KAT14: variants seen among roughly 807,000 people sequenced by gnomAD.
The protein encoded by KAT14 is lysine acetyltransferase 14, also known as cysteine-rich protein 2-binding protein.
KAT14 carries 66 observed loss-of-function variants against 78.4 expected under a neutral mutation model. The ratio of observed to expected loss-of-function variants is 0.84; its 90% CI spans 0.69 to 1.03. KAT14 has a LOEUF of 1.03. KAT14 is among the 50% of genes least tolerant of loss of function. The pLI is 0.00. For missense variants in KAT14, 870 were observed against 972.5 expected (o/e 0.89, Z 1.40); for synonymous variants, 344 against 359.4 (o/e 0.96, Z 0.48).
At chr20:18,184,170 A>ATG (rs962624474) in intron 9 of KAT14, among the ~76,000 whole-genome samples, 2 of 152,212 alleles carry the variant, frequency 1.3e-5, no homozygotes, top group African/African-American at 4.8e-5. Context: ...TATAAATTAT[A>ATG]TGTGTGGGGG....
At chr20:18,148,783 T>C (rs1427576311) in intron 3 of KAT14, among the ~76,000 whole-genome samples, 1 of 151,724 alleles carries the variant, frequency 6.6e-6, no homozygotes. Flanking sequence ...CTAATTTTTG[T>C]ATTTTTAGTA....
At chr20:18,157,421 C>A (rs957274696) in intron 4 of KAT14, among the ~76,000 whole-genome samples, 1 of 152,152 alleles carries the variant, frequency 6.6e-6, no homozygotes, top group Non-Finnish European at 1.5e-5. Context: ...TGAGGTCTCA[C>A]TATGTTGCCC....
At chr20:18,185,407 G>T (rs534088212) in intron 10 of KAT14, among the ~76,000 whole-genome samples, 1 of 152,040 alleles carries the variant, frequency 6.6e-6, no homozygotes, top group Non-Finnish European at 1.5e-5. Context: ...TCACTGTGTT[G>T]CCTGGTCTGT....
At chr20:18,181,295 T>C (rs2146526556) in intron 7 of KAT14, among the ~76,000 whole-genome samples, 1 of 152,168 alleles carries the variant, frequency 6.6e-6, no homozygotes, top group East Asian at 1.9e-4. Flanking sequence ...AAAGACCTAC[T>C]TTATGACACA....
At chr20:18,138,504 G>A in intron 1 of KAT14, 1 of 974,428 alleles carries the variant, frequency 1.0e-6, no homozygotes, top group Non-Finnish European at 1.2e-6. Flanking sequence ...CCTGGCCCAA[G>A]GTTGGGGTTA....
chr20:18,138,085 C>T, intron 1 of KAT14, 34 bp downstream of exon 1: 1 of 1,436,218 alleles, frequency 7.0e-7, no homozygotes, highest in South Asian at 1.4e-5. Flanking sequence ...TCCGGGCCCG[C>T]GCGCGCGGCG....
At chr20:18,145,399 A>G in intron 3 of KAT14, 48 bp downstream of exon 3, 2 of 1,602,068 alleles carry the variant, frequency 1.2e-6, no homozygotes, top group Non-Finnish European at 1.7e-6. Flanking sequence ...TTCCCCCAGG[A>G]GTTTGTTGGA....
intron 1 of KAT14, among the ~76,000 whole-genome samples, chr20:18,138,736 C>T (rs1229968619): frequency 6.6e-5 from 10 of 152,062 alleles, no homozygotes; most frequent in Admixed American, 6.6e-4. Context: ...ATATCCGTGA[C>T]CTGCTGATCA....
At chr20:18,181,056 T>C (rs915695072) in intron 7 of KAT14, among the ~76,000 whole-genome samples, 3 of 152,232 alleles carry the variant, frequency 2.0e-5, no homozygotes, top group Non-Finnish European at 2.9e-5. Context: ...ATTTAGTGAA[T>C]GGGTTGAAGG....
chr20:18,174,928 G>A (rs762994544), intron 7 of KAT14, among the ~76,000 whole-genome samples: 1 of 152,036 alleles, frequency 6.6e-6, no homozygotes, highest in Non-Finnish European at 1.5e-5. Flanking sequence ...GCCTCCCAGA[G>A]TGTTGGGATT....
intron 10 of KAT14, among the ~76,000 whole-genome samples, chr20:18,186,834 T>G (rs2039466468): frequency 6.6e-6 from 1 of 152,226 alleles, no homozygotes; most frequent in Non-Finnish European, 1.5e-5. Flanking sequence ...TTCATGTTTG[T>G]GCATGTAATT....
Position 18,161,871 on chromosome 20 carries a change from A to G in KAT14, c.731A>G (p.Lys244Arg). ...DPIITVEGLR[K>R]RASRNPVESA... ...ATCATTACTGTTGAGGGACTTAGAA[A>G]ACGAGCAAGTCGGAATCCTGTGGAA... The change falls in exon 6 of 11, where the codon AAA (lysine) becomes AGA (arginine). Residue 244 changes from lysine (K) to arginine (R), a missense_variant. Lys to Arg is a conservative substitution (Grantham distance 26). Coordinates refer to ENST00000688188, the MANE Select transcript of KAT14 (RefSeq NM_001392073.1). 1 of 1,614,198 alleles carries G rather than the reference A, an allele frequency of 6.2e-7. No individual in the cohort carries two copies. Among genetic ancestry groups the G allele is most frequent in the Non-Finnish European group, 8.5e-7 (1 of 1,180,044 alleles).
chr20:18,184,631 C>G lies in KAT14; in HGVS notation c.2011C>G (p.Pro671Ala). 6.2e-7 allele frequency: 1 copy of G among 1,613,222 alleles called. No individual in the cohort carries two copies. The highest frequency in any genetic ancestry group is 8.5e-7 in the Non-Finnish European group (1 of 1,179,766). ...GIDLSECLQY[P>A]DFSVVVLYKK... ...TGACCTGTCTGAGTGTCTGCAGTAC[C>G]CAGACTTCAGTGTTGTTGTTCTTTA... The change falls in exon 10 of 11, where the codon CCA becomes GCA. Residue 671 changes from proline to alanine, a missense_variant. Transcript: ENST00000688188.
intron 2 of KAT14, among the ~76,000 whole-genome samples, chr20:18,143,855 C>G (rs1225786226): frequency 6.6e-6 from 1 of 152,150 alleles, no homozygotes; most frequent in Non-Finnish European, 1.5e-5. Flanking sequence ...GTCTCAAACT[C>G]CCAACCTCAG....
At chr20:18,165,902 G>T (rs959802628) in intron 7 of KAT14, among the ~76,000 whole-genome samples, 26 of 152,144 alleles carry the variant, frequency 1.7e-4, no homozygotes, top group Non-Finnish European at 1.5e-5. Context: ...CTGGTCTTTG[G>T]GGTGGGCATG....
At chr20:18,149,622 TG>T (rs2037962741) in intron 3 of KAT14, among the ~76,000 whole-genome samples, 1 of 152,156 alleles carries the variant, frequency 6.6e-6, no homozygotes, top group African/African-American at 2.4e-5. Flanking sequence ...ATACAGATGT[TG>T]GGGGCATTAA....
At chr20:18,150,057 C>G (rs2037978637) in intron 3 of KAT14, among the ~76,000 whole-genome samples, 1 of 152,122 alleles carries the variant, frequency 6.6e-6, no homozygotes, top group African/African-American at 2.4e-5. Context: ...TGGTGGATTT[C>G]AAGTGATTTT....
At chr20:18,180,545 C>T (rs537935277) in intron 7 of KAT14, among the ~76,000 whole-genome samples, 1 of 152,292 alleles carries the variant, frequency 6.6e-6, no homozygotes, top group East Asian at 1.9e-4. Context: ...TTCAGCAACA[C>T]CCCACTCCTG....
rs1183573888 is a variant in KAT14, at chr20:18,142,612, G to A, written c.-49G>A. 1 of 1,610,394 alleles carries A rather than the reference G, an allele frequency of 6.2e-7. No individual in the cohort carries two copies. The highest frequency in any genetic ancestry group is 8.5e-7 in the Non-Finnish European group (1 of 1,177,802). On this transcript the variant is annotated 5_prime_UTR_variant, in exon 2 of 11. Transcript: ENST00000688188. ...AGCCCCATTAGGGTCACTGTCCAGT[G>A]CTTAGGGTTGTTACTGAGAAGCACT...
Sources: gnomAD v4.1 joint callset for allele counts (sites outside exome capture counted in the v4.1 genomes callset) on GRCh38, gnomAD v4.1.1 for gene constraint, MANE v1.5 for transcripts, NCBI Gene and HGNC (gene_info 2026-07-23, HGNC 2026-07-21) for gene names.